GOSR2: variants seen among roughly 807,000 people sequenced by gnomAD.
GOSR2 encodes 27 kDa Golgi SNARE protein.
GOSR2 carries 20 observed loss-of-function variants against 27.9 expected under a neutral mutation model. The observed-to-expected ratio is 0.72, with a 90% CI of 0.50 to 1.04. The LOEUF (loss-of-function observed/expected upper bound fraction) is 1.04. Ranked by LOEUF, GOSR2 falls within the 50% of genes least tolerant of loss-of-function variation. The probability of loss-of-function intolerance (pLI) is 0.00; values close to 1 mark genes in which losing one functional copy is unlikely to be tolerated. For synonymous variants in GOSR2, 91 were observed against 98.8 expected (o/e 0.92, Z 0.47); for missense variants, 261 against 270.5 (o/e 0.97, Z 0.25).
intron 6 of GOSR2, among the ~76,000 whole-genome samples, chr17:46,972,006 G>A (rs1298759333): frequency 6.6e-6 from 1 of 152,210 alleles, no homozygotes; most frequent in African/African-American, 2.4e-5. Context: ...AGAGGGCACA[G>A]GGCACGTGGG....
downstream of GOSR2, among the ~76,000 whole-genome samples, chr17:46,971,455 G>A (rs2091392174): frequency 6.6e-6 from 1 of 152,178 alleles, no homozygotes; most frequent in South Asian, 2.1e-4. Context: ...CTCCTCCAGT[G>A]CTGGGTTAGG....
chr17:46,968,932 C>G (rs1050220162), downstream of GOSR2: 4 of 152,444 alleles, frequency 2.6e-5, no homozygotes, highest in African/African-American at 9.6e-5. Context: ...CCAGGTAATT[C>G]TCATGAGGTT....
At chr17:46,924,053 A>G (rs1395211923) in intron 1 of GOSR2, among the ~76,000 whole-genome samples, 1 of 152,224 alleles carries the variant, frequency 6.6e-6, no homozygotes, top group Non-Finnish European at 1.5e-5. Context: ...TACATTCACA[A>G]CTTACATCAC....
chr17:46,973,257 A>G (rs1027991619), intron 6 of GOSR2, among the ~76,000 whole-genome samples: 1 of 151,834 alleles, frequency 6.6e-6, no homozygotes, highest in Admixed American at 6.6e-5. Context: ...CCACACAACC[A>G]GATGACAATC....
chr17:46,947,645 A>G lies in GOSR2; in HGVS notation c.583+8941A>G, dbSNP rs529952016. Reference sequence around the variant, plus strand: ...TAGAATCCTGACTTTGCTGTTTATTAGCAGCCTGACCTTGGGCTAATCACC... The same window carrying G: ...TAGAATCCTGACTTTGCTGTTTATTGGCAGCCTGACCTTGGGCTAATCACC... On this transcript the variant is annotated intron_variant, in intron 6 of 6. Transcript: ENST00000573224. 5.9e-5 allele frequency among the ~76,000 whole-genome samples: 9 copies of G among 152,336 alleles called. No individual in the cohort carries two copies. The South Asian group carries it at 1.9e-3, about 32-fold the overall frequency.
chr17:46,940,391 G>A lies in GOSR2; in HGVS notation c.*1631G>A. ...AGCAGTGACTGGAGGGTGGACTGGG[G>A]GGTTGCAGCATCTTTAGACCTAGAT... On this transcript the variant is annotated 3_prime_UTR_variant, in exon 6 of 6. Coordinates refer to ENST00000640051, the MANE Select transcript of GOSR2 (RefSeq NM_004287.5). The A allele has an allele frequency of 6.5e-7, 1 of 1,550,196 alleles. No individual in the cohort carries two copies. Among genetic ancestry groups the A allele is most frequent in the South Asian group, 1.2e-5 (1 of 85,224 alleles).
At chr17:46,974,833 T>C (rs2091431135) in intron 6 of GOSR2, among the ~76,000 whole-genome samples, 1 of 152,110 alleles carries the variant, frequency 6.6e-6, no homozygotes, top group African/African-American at 2.4e-5. Context: ...GGAGCCTCAG[T>C]TTCCTCATCT....
At chr17:46,967,389 C>A (rs932802076), downstream of GOSR2, among the ~76,000 whole-genome samples, 8 of 152,212 alleles carry the variant, frequency 5.3e-5, no homozygotes, top group African/African-American at 1.7e-4. Flanking sequence ...AGGGCTCAAT[C>A]AACATTAGCT....
intron 6 of GOSR2, among the ~76,000 whole-genome samples, chr17:46,972,450 C>G (rs1230904668): frequency 6.6e-6 from 1 of 152,244 alleles, no homozygotes; most frequent in East Asian, 1.9e-4. Flanking sequence ...AAGGGTTGCA[C>G]ACTGGGCACC....
rs762070423 is a variant in GOSR2, at chr17:46,932,196, T to TA, written c.335dup (p.Asn112LysfsTer4). The TA allele has an allele frequency of 6.2e-7, 1 of 1,613,950 alleles. No homozygotes were observed. The highest frequency in any genetic ancestry group is 1.1e-5 in the South Asian group (1 of 91,082). The stretch of plus-strand genomic sequence containing the variant: ...AGCTTCTGTCTCGAACCTTCACCAC[T>TA]AACGTAAGCCAGGCCCGTGGTGAGG... On this transcript the variant is annotated frameshift_variant, in exon 4 of 6. Transcript: ENST00000640051. LOFTEE classifies it high-confidence loss of function.
chr17:46,936,966 A>T (rs34452857), intron 5 of GOSR2: 3,703 of 123,190 alleles, frequency 0.03, 42 homozygotes, highest in Non-Finnish European at 0.041. Flanking sequence ...TGTATTTATT[A>T]AAAAAAAAAA....
At chr17:46,974,224 G>C (rs1222194328) in intron 6 of GOSR2, among the ~76,000 whole-genome samples, 1 of 152,224 alleles carries the variant, frequency 6.6e-6, no homozygotes, top group Non-Finnish European at 1.5e-5. Context: ...CAAGTGCCAG[G>C]GTTTCTGGGG....
At chr17:46,935,191 A>C (rs747843030) in intron 5 of GOSR2, 22 bp downstream of exon 5, 1 of 1,613,374 alleles carries the variant, frequency 6.2e-7, no homozygotes, top group South Asian at 1.1e-5. Context: ...GCTGGGGGAC[A>C]GAGAGAAGGC....
At chr17:46,946,506 T>TG (rs1225136738), downstream of GOSR2, among the ~76,000 whole-genome samples, 1 of 128,192 alleles carries the variant, frequency 7.8e-6, no homozygotes, top group African/African-American at 2.6e-5. Context: ...ATTCCCTTTG[T>TG]GGAAAAAAAA....
chr17:46,935,235 C>T, intron 5 of GOSR2, 66 bp downstream of exon 5: 4 of 1,611,574 alleles, frequency 2.5e-6, no homozygotes, highest in Non-Finnish European at 2.5e-6. Context: ...AGTTTAGTAA[C>T]TGTGTTTATA....
At chr17:46,942,949 C>T (rs2089466995), downstream of GOSR2, among the ~76,000 whole-genome samples, 1 of 152,198 alleles carries the variant, frequency 6.6e-6, no homozygotes. Context: ...CCATGTCCCT[C>T]TAGTACAGGG....
At chr17:46,948,735 AAGT>A (rs2090110456) in intron 6 of GOSR2, 1 of 152,192 alleles carries the variant, frequency 6.6e-6, no homozygotes, top group African/African-American at 2.4e-5. Context: ...TAAGGAGCTT[AAGT>A]AGTAAGAACT....
rs2087323331 is a variant in GOSR2 at position 46,931,220 on chromosome 17, C to T, written c.203+13C>T. On this transcript the variant is annotated intron_variant, in intron 3 of 5. Coordinates refer to ENST00000640051, the MANE Select transcript of GOSR2 (RefSeq NM_004287.5). ...AAAATGCCAGACTGTAAGTGCTGAC[C>T]TCTGACATGGCTCTGATACTCCAGG... The T allele has an allele frequency of 1.7e-6, 2 of 1,173,714 alleles. No homozygotes were observed. The highest frequency in any genetic ancestry group is 2.3e-5 in the East Asian group (1 of 42,986). 72.7% of individuals were successfully genotyped at this position (1,173,714 alleles called of 1,614,324 possible). A position where few individuals can be genotyped will look rare whatever the true frequency, so the allele number is the denominator to read the frequency against.
intron 1 of GOSR2, among the ~76,000 whole-genome samples, chr17:46,926,232 G>A (rs1198422045): frequency 6.6e-6 from 1 of 152,180 alleles, no homozygotes; most frequent in Non-Finnish European, 1.5e-5. Flanking sequence ...CAAAGTGAGT[G>A]AAATGAAAAT....
Sources: allele counts gnomAD v4.1 joint callset (sites outside exome capture counted in the v4.1 genomes callset), GRCh38; gene constraint gnomAD v4.1.1; transcripts MANE v1.5; gene names NCBI Gene and HGNC (gene_info 2026-07-23, HGNC 2026-07-21).